The following WDR41 variants were observed in gnomAD, a reference collection of about 807,000 sequenced individuals.
The protein encoded by WDR41 is WD repeat-containing protein 41.
In WDR41, 63 loss-of-function variants were observed where a neutral mutation model predicts 69.3. The observed-to-expected ratio is 0.91, with a 90% CI of 0.74 to 1.12. The LOEUF is 1.12. Among genes scored for constraint, WDR41 ranks in the 50% most tolerant of loss-of-function variants. The probability of loss-of-function intolerance (pLI) is 0.00; values close to 1 mark genes in which losing one functional copy is unlikely to be tolerated. For missense variants in WDR41, 543 were observed against 534.5 expected (o/e 1.02, Z -0.16); for synonymous variants, 185 against 192.1 (o/e 0.96, Z 0.31).
intron 1 of WDR41, among the ~76,000 whole-genome samples, chr5:77,558,078 C>T (rs1401299995): frequency 9.1e-5 from 9 of 98,848 alleles, no homozygotes; most frequent in Non-Finnish European, 1.7e-4. Context: ...ACATAGGGAA[C>T]TTCAAATGTT....
At chr5:77,493,710 T>C (rs565301429), upstream of WDR41, among the ~76,000 whole-genome samples, 22 of 152,254 alleles carry the variant, frequency 1.4e-4, no homozygotes, top group African/African-American at 5.3e-4. Context: ...TATCTTTAAG[T>C]AAAACAAAAC....
intron 1 of WDR41, among the ~76,000 whole-genome samples, chr5:77,498,890 AG>A (rs1234397591): frequency 1.3e-5 from 2 of 152,094 alleles, no homozygotes; most frequent in Non-Finnish European, 2.9e-5. Flanking sequence ...TTATCTCAAA[AG>A]TACAATCCAT....
At position 77,431,840 on chromosome 5, in the gene WDR41, T is replaced by TC. The variant is rs1420854747; in HGVS notation, c.*1294dup. 6.6e-6 allele frequency: 1 copy of TC among 151,808 alleles called. No homozygotes were observed. Among genetic ancestry groups the TC allele is most frequent in the African/African-American group, 2.4e-5 (1 of 41,324 alleles). 9.4% of individuals were successfully genotyped at this position (151,808 alleles called of 1,614,324 possible). A position where few individuals can be genotyped will look rare whatever the true frequency, so the allele number is the denominator to read the frequency against. On this transcript the variant is annotated 3_prime_UTR_variant, in exon 13 of 13. Coordinates refer to ENST00000296679, the MANE Select transcript of WDR41 (RefSeq NM_018268.4). ...TTTTAATATTTCTCCATAGAACTTT[T>TC]CATGACTCAATGTTGTTTGGATTTA... is the stretch of plus-strand genomic sequence containing the variant.
At chr5:77,474,445 A>G (rs1382899635) in intron 2 of WDR41, among the ~76,000 whole-genome samples, 1 of 152,178 alleles carries the variant, frequency 6.6e-6, no homozygotes, top group East Asian at 1.9e-4. Context: ...ACAACAAAAA[A>G]AATCACAATT....
At chr5:77,526,609 A>G (rs896595720) in intron 1 of WDR41, among the ~76,000 whole-genome samples, 5 of 152,098 alleles carry the variant, frequency 3.3e-5, no homozygotes, top group Admixed American at 2.6e-4. Context: ...GACCCCAGCC[A>G]TAATATATTT....
intron 1 of WDR41, among the ~76,000 whole-genome samples, chr5:77,490,317 G>A (rs560761171): frequency 6.6e-6 from 1 of 152,092 alleles, no homozygotes; most frequent in Non-Finnish European, 1.5e-5. Flanking sequence ...ACATTGAGCA[G>A]CATCCCTGGT....
chr5:77,611,586 T>C (rs1744552825), intron 1 of WDR41, among the ~76,000 whole-genome samples: 1 of 152,278 alleles, frequency 6.6e-6, no homozygotes, highest in Non-Finnish European at 1.5e-5. Context: ...AAGGCAGAAA[T>C]AAAGATGTTC....
intron 1 of WDR41, chr5:77,491,167 G>A: frequency 2.5e-6 from 1 of 408,054 alleles, no homozygotes. Context: ...AAAATGGCCG[G>A]TCCTCGCCTT....
At chr5:77,442,866 T>G in intron 8 of WDR41, among the ~76,000 whole-genome samples, 1 of 111,134 alleles carries the variant, frequency 9.0e-6, no homozygotes, top group East Asian at 2.8e-4. Context: ...CCCTCCAGCC[T>G]GGGCGACAGA....
intron 1 of WDR41, among the ~76,000 whole-genome samples, chr5:77,567,277 A>G (rs748046392): frequency 2.7e-4 from 41 of 152,152 alleles, no homozygotes; most frequent in Non-Finnish European, 4.6e-4. Flanking sequence ...AGCTTTTATT[A>G]TATTAGCTAA....
intron 1 of WDR41, among the ~76,000 whole-genome samples, chr5:77,557,898 A>G (rs1743438646): frequency 6.6e-6 from 1 of 152,198 alleles, no homozygotes; most frequent in South Asian, 2.1e-4. Context: ...ATGAAGTTAC[A>G]AAAGAATGTA....
chr5:77,557,911 C>A (rs768174454), intron 1 of WDR41, among the ~76,000 whole-genome samples: 2 of 151,764 alleles, frequency 1.3e-5, no homozygotes, highest in Non-Finnish European at 2.9e-5. Flanking sequence ...AGAATGTATA[C>A]GGTATGATTA....
chr5:77,524,312 G>T (rs1343986400), intron 1 of WDR41, among the ~76,000 whole-genome samples: 1 of 152,218 alleles, frequency 6.6e-6, no homozygotes. Flanking sequence ...ATCAGGCCAA[G>T]TGCGGTGGCA....
intron 1 of WDR41, among the ~76,000 whole-genome samples, chr5:77,513,554 C>T (rs1329136267): frequency 6.6e-6 from 1 of 152,156 alleles, no homozygotes; most frequent in African/African-American, 2.4e-5. Context: ...CTTCCTTCCT[C>T]CTTGCATTCA....
chr5:77,573,122 A>G (rs1015895949), intron 1 of WDR41, among the ~76,000 whole-genome samples: 6 of 152,150 alleles, frequency 3.9e-5, no homozygotes, highest in African/African-American at 1.4e-4. Flanking sequence ...TCTCCAGGAC[A>G]GATCTGTTTT....
intron 1 of WDR41, among the ~76,000 whole-genome samples, chr5:77,523,303 CAAA>C (rs373426917): frequency 1.5e-5 from 2 of 134,436 alleles, no homozygotes; most frequent in Non-Finnish European, 1.6e-5. Flanking sequence ...CAGACTCCAT[CAAA>C]AAAAAAAAAA....
rs370205270 is a variant in WDR41 at position 77,600,766 on chromosome 5, A to G, written c.42+19713T>C. Among the ~76,000 whole-genome samples the G allele has an allele frequency of 2.8e-4, 43 of 152,116 alleles. 1 individual carries two copies. The highest frequency in any genetic ancestry group is 2.5e-3 in the East Asian group (13 of 5,174). On this transcript the variant is annotated intron_variant, in intron 1 of 5. Coordinates refer to the WDR41 transcript ENST00000509971. ...GCAGTGGCAGGTGCCTGTAATCCCA[A>G]CTACTCAGGAGGCTGAGGCAGGAGG...
At chr5:77,583,557 G>A (rs1278922553) in intron 1 of WDR41, among the ~76,000 whole-genome samples, 1 of 151,574 alleles carries the variant, frequency 6.6e-6, no homozygotes, top group Non-Finnish European at 1.5e-5. Flanking sequence ...TTTCATGTCT[G>A]TATCAAAATA....
intron 1 of WDR41, among the ~76,000 whole-genome samples, chr5:77,553,326 G>A (rs1055348713): frequency 2.6e-5 from 4 of 152,126 alleles, no homozygotes; most frequent in Non-Finnish European, 4.4e-5. Flanking sequence ...ATCCTCTTGA[G>A]GGGACAAATG....
Sources: gnomAD v4.1 joint callset for allele counts (sites outside exome capture counted in the v4.1 genomes callset) on GRCh38, gnomAD v4.1.1 for gene constraint, MANE v1.5 for transcripts, NCBI Gene and HGNC (gene_info 2026-07-23, HGNC 2026-07-21) for gene names.